IL5RA: variants seen among roughly 807,000 people sequenced by gnomAD.
IL5RA encodes the protein interleukin 5 receptor subunit alpha.
In IL5RA, 49 loss-of-function variants were observed where a neutral mutation model predicts 50.0. That is an observed-to-expected ratio of 0.98 (90% CI 0.78 to 1.24). The LOEUF (loss-of-function observed/expected upper bound fraction) is 1.24, where lower values mean the gene tolerates loss of function less well. Ranked by LOEUF, IL5RA falls within the 50% of genes most tolerant of loss-of-function variation. IL5RA has a pLI of 0.00. For missense variants in IL5RA, 600 were observed against 500.4 expected (o/e 1.20, Z -1.90); for synonymous variants, 202 against 174.0 (o/e 1.16, Z -1.26).
intron 8 of IL5RA, among the ~76,000 whole-genome samples, chr3:3,094,192 C>T (rs1437841112): frequency 2.0e-5 from 3 of 152,142 alleles, no homozygotes; most frequent in Non-Finnish European, 4.4e-5. Flanking sequence ...AATAGTTTCA[C>T]ATTGTTGTGT....
chr3:3,091,884 G>A, intron 9 of IL5RA: 1 of 626,094 alleles, frequency 1.6e-6, no homozygotes, highest in Non-Finnish European at 2.1e-6. Context: ...AAGAGACACA[G>A]GATCTCTATT....
intron 9 of IL5RA, among the ~76,000 whole-genome samples, chr3:3,081,799 G>A (rs370005354): frequency 8.5e-5 from 13 of 152,254 alleles, no homozygotes; most frequent in African/African-American, 2.9e-4. Context: ...AAGGTACTAC[G>A]TGAGAAGCAA....
chr3:3,101,610 G>A (rs1189741172), intron 5 of IL5RA, 82 bp downstream of exon 5: 6 of 1,399,518 alleles, frequency 4.3e-6, no homozygotes, highest in South Asian at 1.3e-5. Flanking sequence ...CTAAAGAAAA[G>A]TGGGTTAGTG....
chr3:3,103,224 C>T (rs529726569), intron 3 of IL5RA, among the ~76,000 whole-genome samples: 1 of 152,268 alleles, frequency 6.6e-6, no homozygotes, highest in East Asian at 1.9e-4. Flanking sequence ...ATCTTTTTTA[C>T]GTTGCCCATG....
At chr3:3,089,659 T>G (rs1703009337) in intron 9 of IL5RA, among the ~76,000 whole-genome samples, 1 of 151,948 alleles carries the variant, frequency 6.6e-6, no homozygotes, top group Admixed American at 6.6e-5. Flanking sequence ...TTTTTTTTTT[T>G]GAGATGTCGC....
intron 11 of IL5RA, among the ~76,000 whole-genome samples, chr3:3,072,714 C>A (rs1702343119): frequency 6.6e-6 from 1 of 152,156 alleles, no homozygotes; most frequent in Admixed American, 6.5e-5. Flanking sequence ...GAGTTCAAGA[C>A]CAGCCTGGCC....
At chr3:3,101,653 C>T in intron 5 of IL5RA, 39 bp downstream of exon 5, 9 of 1,598,638 alleles carry the variant, frequency 5.6e-6, no homozygotes, top group Non-Finnish European at 6.0e-6. Context: ...TTTGCAAAGT[C>T]CAAAACATAC....
intron 3 of IL5RA, chr3:3,103,079 C>A (rs1703730705): frequency 1.1e-5 from 3 of 274,826 alleles, no homozygotes; most frequent in Non-Finnish European, 2.1e-5. Flanking sequence ...GACAGGGTTT[C>A]ACCATGTTGG....
At chr3:3,093,635 A>G (rs1703231412) in intron 8 of IL5RA, among the ~76,000 whole-genome samples, 1 of 152,186 alleles carries the variant, frequency 6.6e-6, no homozygotes, top group South Asian at 2.1e-4. Context: ...TTCTCACCAG[A>G]CTAGTTTCTC....
Position 3,101,612 on chromosome 3 carries a change from G to A in IL5RA, c.367+80C>T, listed in dbSNP as rs35418165. ...AACGGGTGACTGACTAAAGAAAAGTGGGTTAGTGTTAATTTTTCTACTTTT... is the reference window on the plus strand; with the variant it reads ...AACGGGTGACTGACTAAAGAAAAGTAGGTTAGTGTTAATTTTTCTACTTTT... On this transcript the variant is annotated intron_variant, in intron 5 of 11. Coordinates refer to ENST00000446632, the MANE Select transcript of IL5RA (RefSeq NM_175726.4). The A allele has an allele frequency of 3.4e-3, 4,779 of 1,403,594 alleles. 13 individuals carry two copies. Among genetic ancestry groups the A allele is most frequent in the Admixed American group, 4.0e-3 (205 of 51,344 alleles). The allele number at this position is 1,403,594 out of a possible 1,614,324, so 86.9% of individuals were successfully genotyped here.
In IL5RA at chr3:3,066,700, T is replaced by C. The variant is rs1018130273; in HGVS notation, c.*3525A>G. The C allele has an allele frequency of 2.6e-5, 4 of 152,210 alleles. No homozygotes were observed. Among genetic ancestry groups the C allele is most frequent in the Admixed American group, 6.5e-5 (1 of 15,274 alleles). 9.4% of individuals were successfully genotyped at this position (152,210 alleles called of 1,614,324 possible). A position where few individuals can be genotyped will look rare whatever the true frequency, so the allele number is the denominator to read the frequency against. On this transcript the variant is annotated 3_prime_UTR_variant, in exon 12 of 12. Coordinates refer to ENST00000446632, the MANE Select transcript of IL5RA (RefSeq NM_175726.4). Reference sequence around the variant, plus strand: ...CATAGAAGTCTCACCATGAAAACGTTTGGATTTTTAATCAGGATGTTCTTT... The same window carrying C: ...CATAGAAGTCTCACCATGAAAACGTCTGGATTTTTAATCAGGATGTTCTTT...
Position 3,090,660 on chromosome 3 carries a change from G to T in IL5RA, c.994+1564C>A, listed in dbSNP as rs17878435. Among the ~76,000 whole-genome samples, 1,289 of 146,394 alleles carry T rather than the reference G, an allele frequency of 8.8e-3. 15 individuals carry two copies. The highest frequency in any genetic ancestry group is 0.011 in the Non-Finnish European group (771 of 67,550). ...CGGCTCACTGCAAGCTCCGCCTCCC[G>T]GGTTCACGCCATTCTCCTGCCTCAG... On this transcript the variant is annotated intron_variant, in intron 9 of 11. Transcript: ENST00000446632.
rs1351713412 is a variant in IL5RA at position 3,101,614 on chromosome 3, G to A, written c.367+78C>T. ...CGGGTGACTGACTAAAGAAAAGTGG[G>A]TTAGTGTTAATTTTTCTACTTTTCC... On this transcript the variant is annotated intron_variant, in intron 5 of 11. Coordinates refer to ENST00000446632, the MANE Select transcript of IL5RA (RefSeq NM_175726.4). 25 of 1,442,170 alleles carry A rather than the reference G, an allele frequency of 1.7e-5. No homozygotes were observed. The East Asian group carries it at 5.5e-4, about 32-fold the overall frequency. The allele number at this position is 1,442,170 out of a possible 1,614,324, so 89.3% of individuals were successfully genotyped here. A position where few individuals can be genotyped will look rare whatever the true frequency, so the allele number is the denominator to read the frequency against.
chr3:3,072,616 T>C (rs1264327780), intron 11 of IL5RA, among the ~76,000 whole-genome samples: 1 of 152,192 alleles, frequency 6.6e-6, no homozygotes, highest in Non-Finnish European at 1.5e-5. Context: ...ATGACTTCAG[T>C]TGGCTGCTTA....
intron 2 of IL5RA, among the ~76,000 whole-genome samples, chr3:3,105,851 A>G (rs563814351): frequency 1.3e-5 from 2 of 152,198 alleles, no homozygotes; most frequent in Admixed American, 6.5e-5. Flanking sequence ...GGAACTGTAG[A>G]TGAGAAGTCT....
chr3:3,073,158 G>A (rs1207582985), intron 11 of IL5RA, among the ~76,000 whole-genome samples: 1 of 152,212 alleles, frequency 6.6e-6, no homozygotes, highest in Admixed American at 6.5e-5. Flanking sequence ...AACTGTAACT[G>A]TCTATAAATC....
rs921063721 is a variant in IL5RA at position 3,067,385 on chromosome 3, G to A, written c.*2840C>T. 7.2e-5 allele frequency: 11 copies of A among 152,210 alleles called. No homozygotes were observed. In the East Asian group the frequency reaches 1.3e-3, roughly 19 times the overall value. 9.4% of individuals were successfully genotyped at this position (152,210 alleles called of 1,614,324 possible). On this transcript the variant is annotated 3_prime_UTR_variant, in exon 12 of 12. Transcript: ENST00000446632. Reference sequence around the variant, plus strand: ...ACAAGGTGCCGTATCAGGGCTGACAGAGGGTTTAAGAAACATTTATATTTT... The same window carrying A: ...ACAAGGTGCCGTATCAGGGCTGACAAAGGGTTTAAGAAACATTTATATTTT...
intron 9 of IL5RA, among the ~76,000 whole-genome samples, chr3:3,078,327 C>T (rs1574979150): frequency 6.6e-6 from 1 of 152,132 alleles, no homozygotes; most frequent in East Asian, 1.9e-4. Context: ...CTAGTGATTC[C>T]AGCCTTGCCT....
chr3:3,094,260 A>G (rs1703257780), intron 8 of IL5RA, among the ~76,000 whole-genome samples: 1 of 152,216 alleles, frequency 6.6e-6, no homozygotes, highest in Non-Finnish European at 1.5e-5. Context: ...CCCATTAAAC[A>G]ATACCTCTCC....
Sources: allele counts gnomAD v4.1 joint callset (sites outside exome capture counted in the v4.1 genomes callset), GRCh38; gene constraint gnomAD v4.1.1; transcripts MANE v1.5; gene names NCBI Gene and HGNC (gene_info 2026-07-23, HGNC 2026-07-21).